The following CRTAP variants were observed in gnomAD, a reference collection of about 807,000 sequenced individuals.
The protein encoded by CRTAP is cartilage associated protein, also known as cartilage-associated protein.
CRTAP carries 33 observed loss-of-function variants against 42.7 expected under a neutral mutation model. That is an observed-to-expected ratio of 0.77 (90% CI 0.59 to 1.03). CRTAP has a LOEUF of 1.03. Among genes scored for constraint, CRTAP ranks in the 50% least tolerant of loss-of-function variants. CRTAP has a pLI of 0.00. For missense variants in CRTAP, 613 were observed against 533.9 expected (o/e 1.15, Z -1.46); for synonymous variants, 243 against 217.7 (o/e 1.12, Z -1.02).
chr3:33,119,121 C>T (rs1292253832), intron 1 of CRTAP, among the ~76,000 whole-genome samples: 3 of 152,190 alleles, frequency 2.0e-5, no homozygotes, highest in Non-Finnish European at 4.4e-5. Context: ...ATATCTACCT[C>T]CCCTGAGACA....
Position 33,142,553 on chromosome 3 carries a change from TC to T in CRTAP, c.*106del. The stretch of plus-strand genomic sequence containing the variant: ...TGATACCTCAGAGCCTTCTCTTTAC[TC>T]TCCAAAGTGAAAGGGAAGCCCCCGT... On this transcript the variant is annotated 3_prime_UTR_variant, in exon 7 of 7. Coordinates refer to ENST00000320954, the MANE Select transcript of CRTAP (RefSeq NM_006371.5). 8 of 1,113,390 alleles carry T rather than the reference TC, an allele frequency of 7.2e-6. No individual in the cohort carries two copies. Among genetic ancestry groups the T allele is most frequent in the Non-Finnish European group, 1.1e-5 (8 of 737,474 alleles). 69.0% of individuals were successfully genotyped at this position (1,113,390 alleles called of 1,614,324 possible). A position where few individuals can be genotyped will look rare whatever the true frequency, so the allele number is the denominator to read the frequency against.
At chr3:33,139,101 A>G (rs1435930994) in intron 6 of CRTAP, among the ~76,000 whole-genome samples, 1 of 152,126 alleles carries the variant, frequency 6.6e-6, no homozygotes, top group Non-Finnish European at 1.5e-5. Flanking sequence ...CCGAGATCAC[A>G]CCACTGTACT....
chr3:33,138,459 C>A (rs12054113), intron 6 of CRTAP, among the ~76,000 whole-genome samples: 19,136 of 152,026 alleles, frequency 0.13, 1,515 homozygotes, highest in East Asian at 0.26. Flanking sequence ...ACATTCTATT[C>A]TTTTTTAAAA....
intron 6 of CRTAP, among the ~76,000 whole-genome samples, chr3:33,135,503 C>T (rs543986369): frequency 3.9e-5 from 6 of 152,054 alleles, no homozygotes; most frequent in Non-Finnish European, 5.9e-5. Context: ...GTGGAGTGCA[C>T]CCGTAGTCCT....
At position 33,129,952 on chromosome 3, in the gene CRTAP, A is replaced by C; in HGVS notation, c.807A>C (p.Glu269Asp). The C allele has an allele frequency of 6.2e-7, 1 of 1,613,544 alleles. No homozygotes were observed. The highest frequency in any genetic ancestry group is 1.7e-5 in the Admixed American group (1 of 60,018). The change falls in exon 4 of 7, where the codon GAA becomes GAC. Residue 269 changes from glutamate to aspartate, a missense_variant. Coordinates refer to ENST00000320954, the MANE Select transcript of CRTAP (RefSeq NM_006371.5). ...GTTTTGTTTCAGATCATTATGTAGAAGTTCTGGAATGCAAAATACAGTGTG... is the reference window on the plus strand; with the variant it reads ...GTTTTGTTTCAGATCATTATGTAGACGTTCTGGAATGCAAAATACAGTGTG... Reference protein sequence around the residue: ...FYLSIADHYVEVLECKIQCEE... With the variant: ...FYLSIADHYVDVLECKIQCEE...
At chr3:33,118,973 C>A (rs1422942365) in intron 1 of CRTAP, among the ~76,000 whole-genome samples, 1 of 152,222 alleles carries the variant, frequency 6.6e-6, no homozygotes, top group African/African-American at 2.4e-5. Context: ...TGGGAGATTC[C>A]CTTTCTCCCT....
intron 1 of CRTAP, among the ~76,000 whole-genome samples, chr3:33,119,735 T>C (rs1008398358): frequency 1.3e-5 from 2 of 152,122 alleles, no homozygotes; most frequent in Non-Finnish European, 2.9e-5. Flanking sequence ...AGAAGGTGGT[T>C]ATTTACAAAG....
chr3:33,114,585 GC>G, intron 1 of CRTAP, 37 bp downstream of exon 1: 1 of 1,543,062 alleles, frequency 6.5e-7, no homozygotes, highest in Non-Finnish European at 8.8e-7. Flanking sequence ...CCCCGGCCCC[GC>G]CCCTGACCCA....
At position 33,129,760 on chromosome 3, in the gene CRTAP, TC is replaced by T. The variant is rs376506082; in HGVS notation, c.794-177del. On this transcript the variant is annotated intron_variant, in intron 3 of 6. Coordinates refer to ENST00000320954, the MANE Select transcript of CRTAP (RefSeq NM_006371.5). ...ACTGTGTTAACCAGGATGGTCTCGA[TC>T]CTCCTGACCTTGTGATTCGCCCGCC... 2.7e-3 allele frequency among the ~76,000 whole-genome samples: 406 copies of T among 152,042 alleles called. 2 individuals are homozygous for T. Among genetic ancestry groups the T allele is most frequent in the African/African-American group, 9.2e-3 (383 of 41,490 alleles).
In CRTAP at chr3:33,114,222, C is replaced by G. The variant is rs1441779882; in HGVS notation, c.145C>G (p.Arg49Gly). ...GCTGATGCCGCTCGAGTCGGCCTAC[C>G]GGCACGCGCTGGACAAGTACAGCGG... Reference protein sequence around the residue: ...DELMPLESAYRHALDKYSGEH... With the variant: ...DELMPLESAYGHALDKYSGEH... The change falls in exon 1 of 7, where the codon CGG becomes GGG. Residue 49 changes from arginine (R) to glycine (G), a missense_variant. Arg to Gly is a moderately radical substitution (Grantham distance 125). Coordinates refer to ENST00000320954, the MANE Select transcript of CRTAP (RefSeq NM_006371.5). The G allele has an allele frequency of 6.3e-7, 1 of 1,592,612 alleles. No individual in the cohort carries two copies. Among genetic ancestry groups the G allele is most frequent in the South Asian group, 1.1e-5 (1 of 89,112 alleles).
chr3:33,122,140 C>T (rs2029890447), intron 2 of CRTAP, among the ~76,000 whole-genome samples: 5 of 152,122 alleles, frequency 3.3e-5, no homozygotes, highest in Non-Finnish European at 5.9e-5. Flanking sequence ...GGGAACGAAG[C>T]CGAGTGCGTG....
At chr3:33,120,056 G>C (rs1701398638) in intron 1 of CRTAP, among the ~76,000 whole-genome samples, 1 of 152,180 alleles carries the variant, frequency 6.6e-6, no homozygotes, top group South Asian at 2.1e-4. Context: ...CAGAGAGCGA[G>C]GGAGTCTGTT....
Position 33,146,139 on chromosome 3 carries a change from G to C in CRTAP, c.*3691G>C, listed in dbSNP as rs1198433068. The stretch of plus-strand genomic sequence containing the variant: ...AACACCTCCCTGAGTGTGCTTCTTG[G>C]AAGAGCCTAGAAGATTCCTGGATGG... On this transcript the variant is annotated 3_prime_UTR_variant, in exon 7 of 7. Coordinates refer to ENST00000320954, the MANE Select transcript of CRTAP (RefSeq NM_006371.5). 6.6e-6 allele frequency: 1 copy of C among 152,188 alleles called. No individual in the cohort carries two copies. The highest frequency in any genetic ancestry group is 1.5e-5 in the Non-Finnish European group (1 of 68,050). The allele number at this position is 152,188 out of a possible 1,614,324, so 9.4% of individuals were successfully genotyped here. A position where few individuals can be genotyped will look rare whatever the true frequency, so the allele number is the denominator to read the frequency against.
chr3:33,137,338 A>G (rs1368950310), intron 6 of CRTAP, among the ~76,000 whole-genome samples: 2 of 151,912 alleles, frequency 1.3e-5, no homozygotes, highest in Non-Finnish European at 2.9e-5. Context: ...ATGGAGTTTC[A>G]CTATGTTGGC....
intron 6 of CRTAP, among the ~76,000 whole-genome samples, chr3:33,136,147 T>C (rs1272583593): frequency 2.0e-5 from 3 of 152,224 alleles, no homozygotes; most frequent in African/African-American, 7.2e-5. Flanking sequence ...AATGGAAATA[T>C]AGGGTATGTG....
intron 5 of CRTAP, among the ~76,000 whole-genome samples, chr3:33,133,522 T>A (rs201736781): frequency 9.3e-4 from 9 of 9,720 alleles, no homozygotes; most frequent in Non-Finnish European, 9.6e-4. Flanking sequence ...AGTGCTGGGA[T>A]TTACAGGCAT....
chr3:33,120,871 T>A (rs61433006), intron 2 of CRTAP, among the ~76,000 whole-genome samples: 27,957 of 152,030 alleles, frequency 0.18, 3,776 homozygotes, highest in East Asian at 0.58. Flanking sequence ...TTATACACAC[T>A]TGCACACAAA....
At chr3:33,119,814 GACC>G (rs1296468720) in intron 1 of CRTAP, among the ~76,000 whole-genome samples, 1 of 152,216 alleles carries the variant, frequency 6.6e-6, no homozygotes, top group Non-Finnish European at 1.5e-5. Flanking sequence ...AGTGGGATAT[GACC>G]AACCCTAGGC....
chr3:33,129,848 T>C (rs1432131425), intron 3 of CRTAP, 91 bp from the exon 4 acceptor site: 9 of 1,371,542 alleles, frequency 6.6e-6, no homozygotes, highest in Non-Finnish European at 8.3e-6. Context: ...GTAAATATTT[T>C]TCTTTTAACT....
Sources: gnomAD v4.1 joint callset for allele counts (sites outside exome capture counted in the v4.1 genomes callset) on GRCh38, gnomAD v4.1.1 for gene constraint, MANE v1.5 for transcripts, NCBI Gene and HGNC (gene_info 2026-07-23, HGNC 2026-07-21) for gene names.